The following FBXO46 variants were observed in gnomAD, a reference collection of about 807,000 sequenced individuals.
FBXO46 encodes the protein F-box protein 46.
A neutral mutation model predicts 30.7 loss-of-function variants in FBXO46; 13 were observed. That is an observed-to-expected ratio of 0.42 (90% confidence interval 0.28 to 0.67). FBXO46 has a LOEUF of 0.67. Ranked by LOEUF, FBXO46 falls within the 30% of genes least tolerant of loss-of-function variation. The pLI, the probability that FBXO46 is intolerant of heterozygous loss-of-function variation, is 0.21. For missense variants in FBXO46, 754 were observed against 871.5 expected (o/e 0.87, Z 1.70); for synonymous variants, 467 against 385.8 (o/e 1.21, Z -2.47).
chr19:45,711,966 A>C lies in FBXO46; in HGVS notation c.1530T>G (p.Phe510Leu). Residue 510 changes from phenylalanine to leucine, a missense_variant, in exon 2 of 2, where the codon TTT (phenylalanine) becomes TTG (leucine). Physicochemically the swap from Phe to Leu is conservative, Grantham distance 22. Around this residue, in one of 5 missense-constraint regions of FBXO46, gnomAD observed 162 missense variants for 258.7 expected, o/e 0.63. Transcript: ENST00000317683. ...CHHFKGIIEA[F>L]GVRATDSRWS... ...AGCGCGAGTCTGTGGCCCGCACGCC[A>C]AACGCCTCGATGATGCCCTTGAAGT... 1 of 1,612,920 alleles carries C rather than the reference A, an allele frequency of 6.2e-7. No individual in the cohort carries two copies. Among genetic ancestry groups the C allele is most frequent in the Non-Finnish European group, 8.5e-7 (1 of 1,179,730 alleles).
rs1291798680 is a variant in FBXO46, at chr19:45,713,559, G to A, written c.-64C>T. On this transcript the variant is annotated 5_prime_UTR_variant, in exon 2 of 2. Transcript: ENST00000317683. This position sits in a 1 kb window ranked among gnomAD's most constrained non-coding sequence, Gnocchi z 4.7. The stretch of plus-strand genomic sequence containing the variant: ...TCTCAGGACCTAGGTGGTGGTGGGA[G>A]GCTCCACATGCCACCTGGAGACACG... The A allele has an allele frequency of 2.2e-6, 3 of 1,335,362 alleles. No individual in the cohort carries two copies. Among genetic ancestry groups the A allele is most frequent in the Admixed American group, 2.6e-5 (1 of 39,014 alleles). 82.7% of individuals were successfully genotyped at this position (1,335,362 alleles called of 1,614,324 possible). A position where few individuals can be genotyped will look rare whatever the true frequency, so the allele number is the denominator to read the frequency against.
intron 1 of FBXO46, among the ~76,000 whole-genome samples, chr19:45,727,590 C>A (rs889397656): frequency 2.6e-5 from 4 of 151,756 alleles, no homozygotes; most frequent in African/African-American, 7.3e-5. Flanking sequence ...AAAACTGAGG[C>A]CCAGAGTGGG....
intron 1 of FBXO46, among the ~76,000 whole-genome samples, chr19:45,726,946 G>C (rs953217856): frequency 6.6e-5 from 10 of 152,092 alleles, no homozygotes; most frequent in Non-Finnish European, 1.2e-4. Context: ...TTTAAATGTG[G>C]TCCCATTTTT....
At chr19:45,720,321 G>T (rs963594779) in intron 1 of FBXO46, among the ~76,000 whole-genome samples, 2 of 152,046 alleles carry the variant, frequency 1.3e-5, no homozygotes, top group African/African-American at 4.8e-5. Context: ...TAGTAGAGAT[G>T]GAGTTTCACC....
chr19:45,732,622 C>A (rs1413214665), upstream of FBXO46, among the ~76,000 whole-genome samples: 1 of 97,492 alleles, frequency 1.0e-5, no homozygotes, highest in Non-Finnish European at 1.8e-5. Context: ...GAGACAGAGT[C>A]TTGCTCTGTC....
intron 1 of FBXO46, chr19:45,716,923 A>G (rs560943360): frequency 6.6e-6 from 1 of 152,098 alleles, no homozygotes; most frequent in Non-Finnish European, 1.5e-5. Context: ...GAGCCCAGAC[A>G]TTCCACCTCC....
Position 45,712,132 on chromosome 19 carries a change from T to TCA in FBXO46, c.1363_1364insTG (p.Asp455ValfsTer4). The TCA allele has an allele frequency of 6.3e-7, 1 of 1,596,196 alleles. No homozygotes were observed. Among genetic ancestry groups the TCA allele is most frequent in the Non-Finnish European group, 8.5e-7 (1 of 1,172,168 alleles). ...AATCTTGAAGCGGATCTCTAGGAAG[T>TCA]CGTGCGACACGTGCCGGTACAAGCG... On this transcript the variant is annotated frameshift_variant, in exon 2 of 2. Transcript: ENST00000317683. LOFTEE classifies it high-confidence loss of function. This position sits in a 1 kb window ranked among gnomAD's most constrained non-coding sequence, Gnocchi z 8.8.
intron 1 of FBXO46, among the ~76,000 whole-genome samples, chr19:45,720,146 C>T (rs942304830): frequency 1.3e-4 from 19 of 151,254 alleles, no homozygotes; most frequent in African/African-American, 3.2e-4. Flanking sequence ...TTTTTTAAGA[C>T]GGAGTCTTGC....
Position 45,712,641 on chromosome 19 carries a change from C to G in FBXO46, c.855G>C (p.Arg285Ser). 2 of 1,606,500 alleles carry G rather than the reference C, an allele frequency of 1.2e-6. No homozygotes were observed. The highest frequency in any genetic ancestry group is 1.7e-6 in the Non-Finnish European group (2 of 1,176,418). Reference protein sequence around the residue: ...DSGLPSGGGGRPGCAYPGSPG... With the variant: ...DSGLPSGGGGSPGCAYPGSPG... ...GGCTGCCAGGGTAGGCACAACCAGG[C>G]CTGCCCCCGCCCCCACTGGGCAGGC... Residue 285 changes from arginine (R) to serine (S), a missense_variant, in exon 2 of 2, where the codon AGG (arginine) becomes AGC (serine). Physicochemically the swap from Arg to Ser is moderately radical, Grantham distance 110. Coordinates refer to ENST00000317683, the MANE Select transcript of FBXO46 (RefSeq NM_001080469.2). This position sits in a 1 kb window ranked among gnomAD's most constrained non-coding sequence, Gnocchi z 8.8.
At chr19:45,720,542 T>G (rs1968155163) in intron 1 of FBXO46, among the ~76,000 whole-genome samples, 1 of 152,198 alleles carries the variant, frequency 6.6e-6, no homozygotes, top group Non-Finnish European at 1.5e-5. Context: ...GTGCTAGGAT[T>G]ACAGGTGTGA....
upstream of FBXO46, among the ~76,000 whole-genome samples, chr19:45,732,588 C>CTTTTTTTT (rs750349502): frequency 6.9e-5 from 6 of 86,944 alleles, no homozygotes; most frequent in Admixed American, 1.9e-4. Context: ...CTTTTTTTTC[C>CTTTTTTTT]TTTTTTTTTT....
chr19:45,723,941 C>T (rs2146159145), intron 1 of FBXO46, among the ~76,000 whole-genome samples: 1 of 152,018 alleles, frequency 6.6e-6, no homozygotes, highest in East Asian at 1.9e-4. Flanking sequence ...AGGAGTAAGA[C>T]AGCTTTACCA....
In FBXO46 at chr19:45,712,301, G is replaced by T. The variant is rs748964180; in HGVS notation, c.1195C>A (p.Pro399Thr). 1 of 1,602,082 alleles carries T rather than the reference G, an allele frequency of 6.2e-7. No individual in the cohort carries two copies. The highest frequency in any genetic ancestry group is 8.5e-7 in the Non-Finnish European group (1 of 1,179,618). Reference protein sequence around the residue: ...KEETVCLTVSPEEPPPPGQLF... With the variant: ...KEETVCLTVSTEEPPPPGQLF... ...TGGCCCGGAGGCGGCGGTTCCTCCGGGCTGACCGTCAGGCACACAGTCTCC... is the reference window on the plus strand; with the variant it reads ...TGGCCCGGAGGCGGCGGTTCCTCCGTGCTGACCGTCAGGCACACAGTCTCC... Residue 399 changes from proline to threonine, a missense_variant, in exon 2 of 2, where the codon CCG (proline) becomes ACG (threonine). Physicochemically the swap from Pro to Thr is conservative, Grantham distance 38. This residue lies in a region of FBXO46 where 454 missense variants were observed against 426.5 expected (regional missense o/e 1.06). Coordinates refer to ENST00000317683, the MANE Select transcript of FBXO46 (RefSeq NM_001080469.2). The surrounding 1 kb of genome is among the most constrained non-coding windows in gnomAD (Gnocchi z 8.8).
Position 45,713,692 on chromosome 19 carries a change from G to A in FBXO46, c.-78-119C>T. 5.9e-6 allele frequency: 3 copies of A among 507,128 alleles called. No homozygotes were observed. Among genetic ancestry groups the A allele is most frequent in the Non-Finnish European group, 1.1e-5 (3 of 284,794 alleles). 31.4% of individuals were successfully genotyped at this position (507,128 alleles called of 1,614,324 possible). A position where few individuals can be genotyped will look rare whatever the true frequency, so the allele number is the denominator to read the frequency against. ...CATCAAGAACTCTATTCCTGGCTGGGCGCGGTGGCTCACGCCTGTAATCCC... is the reference window on the plus strand; with the variant it reads ...CATCAAGAACTCTATTCCTGGCTGGACGCGGTGGCTCACGCCTGTAATCCC... On this transcript the variant is annotated intron_variant, in intron 1 of 1. Transcript: ENST00000317683. This position sits in a 1 kb window ranked among gnomAD's most constrained non-coding sequence, Gnocchi z 4.7.
rs1050372383 is a variant in FBXO46 at position 45,710,913 on chromosome 19, G to C, written c.*771C>G. On this transcript the variant is annotated 3_prime_UTR_variant, in exon 2 of 2. Coordinates refer to ENST00000317683, the MANE Select transcript of FBXO46 (RefSeq NM_001080469.2). ...CAAATCCGAAGTCCCTGCCCACGGGGCCCCCCCACGCTGTCAAAAGCGAGG... is the reference window on the plus strand; with the variant it reads ...CAAATCCGAAGTCCCTGCCCACGGGCCCCCCCCACGCTGTCAAAAGCGAGG... 6 of 168,290 alleles carry C rather than the reference G, an allele frequency of 3.6e-5. No individual in the cohort carries two copies. The highest frequency in any genetic ancestry group is 9.6e-5 in the African/African-American group (4 of 41,472). 10.4% of individuals were successfully genotyped at this position (168,290 alleles called of 1,614,324 possible). A position where few individuals can be genotyped will look rare whatever the true frequency, so the allele number is the denominator to read the frequency against.
Position 45,711,437 on chromosome 19 carries a change from G to GCTTCTTTCTTCTTT in FBXO46, c.*246_*247insAAAGAAGAAAGAAG. Reference sequence around the variant, plus strand: ...GGCTGAATGGAGAAGAAAGTGAGATGCTGATAAAAAAAAAAAAAACACCCT... The same window carrying GCTTCTTTCTTCTTT: ...GGCTGAATGGAGAAGAAAGTGAGATGCTTCTTTCTTCTTTCTGATAAAAAAAAAAAAAACACCCT... On this transcript the variant is annotated 3_prime_UTR_variant, in exon 2 of 2. Transcript: ENST00000317683. 1 of 654,850 alleles carries GCTTCTTTCTTCTTT rather than the reference G, an allele frequency of 1.5e-6. No individual in the cohort carries two copies. Among genetic ancestry groups the GCTTCTTTCTTCTTT allele is most frequent in the Non-Finnish European group, 2.7e-6 (1 of 364,808 alleles). The allele number at this position is 654,850 out of a possible 1,614,324, so 40.6% of individuals were successfully genotyped here.
rs2146145201 is a variant in FBXO46 at position 45,713,180 on chromosome 19, C to T, written c.316G>A (p.Ala106Thr). 1.2e-6 allele frequency: 2 copies of T among 1,613,778 alleles called. No individual in the cohort carries two copies. The highest frequency in any genetic ancestry group is 1.7e-6 in the Non-Finnish European group (2 of 1,179,834). Residue 106 changes from alanine to threonine, a missense_variant, in exon 2 of 2, where the codon GCC becomes ACC. Physicochemically the swap from Ala to Thr is moderately conservative, Grantham distance 58. Coordinates refer to ENST00000317683, the MANE Select transcript of FBXO46 (RefSeq NM_001080469.2). The surrounding 1 kb of genome is among the most constrained non-coding windows in gnomAD (Gnocchi z 4.7). ...CGGCTGCCCCCACCACACTGGTGGG[C>T]CACAAAGAAGGCCACCTTCTCCTTT... The part of the protein sequence containing the change: ...NTKEKVAFFV[A>T]HQCGGGSRAS...
chr19:45,716,271 C>G (rs971659856), intron 1 of FBXO46: 1 of 152,118 alleles, frequency 6.6e-6, no homozygotes, highest in Non-Finnish European at 1.5e-5. Context: ...GGATACTTGA[C>G]CTGTATAACC....
chr19:45,724,183 A>C (rs753886692), intron 1 of FBXO46, among the ~76,000 whole-genome samples: 1 of 152,198 alleles, frequency 6.6e-6, no homozygotes, highest in Non-Finnish European at 1.5e-5. Flanking sequence ...AAAACAAAAA[A>C]GTGTCAGATC....
Sources: allele counts gnomAD v4.1 joint callset (sites outside exome capture counted in the v4.1 genomes callset), GRCh38; gene constraint gnomAD v4.1.1; regional missense constraint gnomAD v4.1.1; non-coding constraint Gnocchi (gnomAD v3.1); transcripts MANE v1.5; gene names NCBI Gene and HGNC (gene_info 2026-07-23, HGNC 2026-07-21).